ITGAM: variants seen among roughly 807,000 people sequenced by gnomAD.
The protein encoded by ITGAM is integrin alpha-M.
Under a neutral mutation model 137.5 loss-of-function variants are expected in ITGAM, and 79 were observed. That is an observed-to-expected ratio of 0.57 (90% CI 0.48 to 0.69). The LOEUF is 0.69. Ranked by LOEUF, ITGAM falls within the 30% of genes least tolerant of loss-of-function variation. The probability of loss-of-function intolerance (pLI) is 0.00; values close to 1 mark genes in which losing one functional copy is unlikely to be tolerated. For missense variants in ITGAM, 1,343 were observed against 1,483.5 expected (o/e 0.91, Z 1.56); for synonymous variants, 583 against 592.3 (o/e 0.98, Z 0.23).
At chr16:31,271,795 C>T in intron 6 of ITGAM, 52 bp from the exon 7 acceptor site, 1 of 1,608,214 alleles carries the variant, frequency 6.2e-7, no homozygotes, top group Non-Finnish European at 8.5e-7. Context: ...TGGGAGATGT[C>T]TGAGGGGTGG....
intron 26 of ITGAM, 26 bp downstream of exon 26, chr16:31,330,190 C>A: frequency 6.2e-7 from 1 of 1,607,112 alleles, no homozygotes; most frequent in Non-Finnish European, 8.5e-7. Context: ...AGCCCCAGGG[C>A]CACACAGAGA....
chr16:31,325,257 C>T lies in ITGAM; in HGVS notation c.2364-6C>T, dbSNP rs771285197. The stretch of plus-strand genomic sequence containing the variant: ...CATCCCCCGGCCTGTCTTCTTCTTC[C>T]CACAGCCTGGACTGCCTCGTGGTGG... On this transcript the variant is annotated splice_region_variant and splice_polypyrimidine_tract_variant and intron_variant, in intron 19 of 29. Coordinates refer to ENST00000544665, the MANE Select transcript of ITGAM (RefSeq NM_000632.4). 6.8e-6 allele frequency: 11 copies of T among 1,607,844 alleles called. No homozygotes were observed. Among genetic ancestry groups the T allele is most frequent in the South Asian group, 6.7e-5 (6 of 90,206 alleles).
chr16:31,317,780 C>T (rs961094835), intron 14 of ITGAM, among the ~76,000 whole-genome samples: 5 of 152,134 alleles, frequency 3.3e-5, no homozygotes, highest in Admixed American at 6.5e-5. Context: ...ATGGTCATGG[C>T]GTATGACCCT....
chr16:31,302,484 T>TTTC (rs374736924), intron 14 of ITGAM, among the ~76,000 whole-genome samples: 1,014 of 98,170 alleles, frequency 0.01, 12 homozygotes, highest in Middle Eastern at 0.029. Flanking sequence ...TCTTTCTTTC[T>TTTC]TTTTTCTTTC....
intron 5 of ITGAM, among the ~76,000 whole-genome samples, chr16:31,269,746 A>G (rs879338273): frequency 7.9e-5 from 12 of 152,172 alleles, no homozygotes; most frequent in Non-Finnish European, 1.5e-4. Context: ...AGAGCTCACC[A>G]GGGTCTGGAG....
At chr16:31,303,435 G>A (rs2080235461) in intron 14 of ITGAM, among the ~76,000 whole-genome samples, 1 of 152,136 alleles carries the variant, frequency 6.6e-6, no homozygotes, top group Non-Finnish European at 1.5e-5. Flanking sequence ...GTACTGAGTG[G>A]ACTATAGTCA....
At chr16:31,284,169 G>C (rs567395244) in intron 12 of ITGAM, among the ~76,000 whole-genome samples, 25 of 152,168 alleles carry the variant, frequency 1.6e-4, no homozygotes, top group Non-Finnish European at 3.1e-4. Context: ...AGGCTACTTG[G>C]GGGTCAGGGA....
rs1326485338 is a variant in ITGAM at position 31,311,210 on chromosome 16, G to T, written c.1708-10031G>T. The stretch of plus-strand genomic sequence containing the variant: ...AAGAAAACCTAGGCAATACCATTGA[G>T]GACATAGGCATGGGCAAGGACTTCA... On this transcript the variant is annotated intron_variant, in intron 14 of 29. Transcript: ENST00000544665. Among the ~76,000 whole-genome samples, 5 of 152,296 alleles carry T rather than the reference G, an allele frequency of 3.3e-5. No homozygotes were observed. In the East Asian group the frequency reaches 9.6e-4, roughly 29 times the overall value.
Position 31,330,398 on chromosome 16 carries a change from C to T in ITGAM, c.3151C>T (p.Leu1051Phe). 1 of 1,613,548 alleles carries T rather than the reference C, an allele frequency of 6.2e-7. No individual in the cohort carries two copies. The highest frequency in any genetic ancestry group is 8.5e-7 in the Non-Finnish European group (1 of 1,179,414). The change falls in exon 27 of 30, where the codon CTC becomes TTC. Residue 1051 changes from leucine to phenylalanine, a missense_variant. Transcript: ENST00000544665. Reference sequence around the variant, plus strand: ...ATTCAATGCTACCCTCAAAGGCAACCTCTCGTTTGACTGGTACATCAAGGT... The same window carrying T: ...ATTCAATGCTACCCTCAAAGGCAACTTCTCGTTTGACTGGTACATCAAGGT... ...EEFNATLKGN[L>F]SFDWYIKTSH... is the part of the protein sequence containing the mutation.
chr16:31,326,817 T>G, intron 21 of ITGAM, 39 bp from the exon 22 acceptor site: 1 of 1,406,806 alleles, frequency 7.1e-7, no homozygotes, highest in Non-Finnish European at 1.0e-6. Flanking sequence ...ATTTTTTCTC[T>G]CATATTTCTG....
rs779515128 is a variant in ITGAM, at chr16:31,325,229, C to T, written c.2364-34C>T. ...AGGCTTGCCACAGGGAAGCCCAGCGCCCCATCCCCCGGCCTGTCTTCTTCT... is the reference window on the plus strand; with the variant it reads ...AGGCTTGCCACAGGGAAGCCCAGCGTCCCATCCCCCGGCCTGTCTTCTTCT... On this transcript the variant is annotated intron_variant, in intron 19 of 29. Coordinates refer to ENST00000544665, the MANE Select transcript of ITGAM (RefSeq NM_000632.4). 5.7e-6 allele frequency: 9 copies of T among 1,589,230 alleles called. No individual in the cohort carries two copies. In the East Asian group the frequency reaches 1.6e-4, roughly 28 times the overall value.
At chr16:31,262,330 CCCTTCCATCCTTCCTTCCTT>C (rs1567243893) in intron 2 of ITGAM, among the ~76,000 whole-genome samples, 4 of 118,770 alleles carry the variant, frequency 3.4e-5, no homozygotes, top group African/African-American at 1.0e-4. Flanking sequence ...TCCCTTCCCT[CCCTTCCATCCTTCCTTCCTT>C]CCTTCCTTCC....
chr16:31,269,654 C>G (rs571643980), intron 5 of ITGAM, among the ~76,000 whole-genome samples: 31 of 152,212 alleles, frequency 2.0e-4, no homozygotes, highest in African/African-American at 7.0e-4. Flanking sequence ...CTGTGACAGG[C>G]CTAAGGGAGC....
At chr16:31,315,641 T>C (rs1282418015) in intron 14 of ITGAM, among the ~76,000 whole-genome samples, 1 of 151,764 alleles carries the variant, frequency 6.6e-6, no homozygotes, top group Non-Finnish European at 1.5e-5. Context: ...GTATATTTAA[T>C]AGAGACGGGG....
At chr16:31,272,058 T>TC in intron 7 of ITGAM, 66 bp downstream of exon 7, 1 of 1,594,340 alleles carries the variant, frequency 6.3e-7, no homozygotes, top group Middle Eastern at 1.9e-4. Flanking sequence ...CTTTGATGGA[T>TC]GAAGGGAGCC....
intron 11 of ITGAM, among the ~76,000 whole-genome samples, chr16:31,277,297 A>T (rs1250701419): frequency 1.3e-5 from 2 of 151,218 alleles, no homozygotes. Context: ...CGCTCAAGCG[A>T]TTCTCCTACC....
At chr16:31,330,711 CAG>C in intron 28 of ITGAM, 106 bp downstream of exon 28, 1 of 757,092 alleles carries the variant, frequency 1.3e-6, no homozygotes, top group Non-Finnish European at 2.1e-6. Flanking sequence ...GAGAGAGAGA[CAG>C]AGCGACAGAG....
intron 12 of ITGAM, among the ~76,000 whole-genome samples, chr16:31,296,598 T>A (rs2080136838): frequency 6.6e-6 from 1 of 152,204 alleles, no homozygotes; most frequent in Non-Finnish European, 1.5e-5. Flanking sequence ...AGAAATCACG[T>A]TGCAGAGCCG....
At chr16:31,314,863 C>G (rs2080374175) in intron 14 of ITGAM, among the ~76,000 whole-genome samples, 1 of 147,530 alleles carries the variant, frequency 6.8e-6, no homozygotes, top group Non-Finnish European at 1.5e-5. Context: ...CAGTCTGTCA[C>G]CCAGGCTGGA....
Sources: allele counts gnomAD v4.1 joint callset (sites outside exome capture counted in the v4.1 genomes callset), GRCh38; gene constraint gnomAD v4.1.1; transcripts MANE v1.5; gene names NCBI Gene and HGNC (gene_info 2026-07-23, HGNC 2026-07-21).